Variants in ADCK1 observed in about 807,000 individuals in gnomAD.
ADCK1 encodes aarF domain-containing protein kinase 1.
Under a neutral mutation model 52.3 loss-of-function variants are expected in ADCK1, and 41 were observed. The observed-to-expected ratio is 0.78, with a 90% confidence interval of 0.61 to 1.02. The LOEUF is 1.02. Ranked by LOEUF, ADCK1 falls within the 50% of genes least tolerant of loss-of-function variation. The probability of loss-of-function intolerance (pLI) is 0.00; values close to 1 mark genes in which losing one functional copy is unlikely to be tolerated. For missense variants in ADCK1, 658 were observed against 679.5 expected, an observed-to-expected ratio of 0.97 and a Z score of 0.35; for synonymous variants, 250 against 274.6, an observed-to-expected ratio of 0.91 and a Z score of 0.89.
chr14:77,811,181 A>C (rs1361792536), intron 1 of ADCK1, among the ~76,000 whole-genome samples: 1 of 151,906 alleles, frequency 6.6e-6, no homozygotes, highest in Non-Finnish European at 1.5e-5. Context: ...GCAGGGGAGC[A>C]TTTGTTAAAG....
chr14:77,863,704 G>C (rs2082601738), intron 4 of ADCK1, among the ~76,000 whole-genome samples: 1 of 152,124 alleles, frequency 6.6e-6, no homozygotes, highest in Non-Finnish European at 1.5e-5. Flanking sequence ...GGGTGTGGTG[G>C]TGGGCGCTTG....
In ADCK1 at chr14:77,800,168, G is replaced by C. The variant is rs1214873345; in HGVS notation, c.-14G>C. The C allele has an allele frequency of 6.6e-6, 1 of 152,312 alleles. No homozygotes were observed. The highest frequency in any genetic ancestry group is 1.5e-5 in the Non-Finnish European group (1 of 68,102). The allele number at this position is 152,312 out of a possible 1,614,324, so 9.4% of individuals were successfully genotyped here. The stretch of plus-strand genomic sequence containing the variant: ...CGGGCGCCGCGGCTCTGCTTCCCTC[G>C]GGGTGAGTAGGGGCAGCTCGCCGGA... On this transcript the variant is annotated splice_region_variant and 5_prime_UTR_variant, in exon 1 of 11. Coordinates refer to ENST00000238561, the MANE Select transcript of ADCK1 (RefSeq NM_020421.4).
intron 6 of ADCK1, chr14:77,902,458 G>T (rs550718812): frequency 6.6e-6 from 1 of 152,356 alleles, no homozygotes; most frequent in African/African-American, 2.4e-5. Context: ...CACCAGTTCA[G>T]TGAAAACTTG....
intron 7 of ADCK1, chr14:77,914,610 CAAAGTTA>C: frequency 3.4e-5 from 33 of 984,488 alleles, no homozygotes; most frequent in Non-Finnish European, 4.0e-5. Flanking sequence ...CAGAGGGTTT[CAAAGTTA>C]GGGCCCCTGA....
chr14:77,826,300 AG>A (rs1461336778), intron 3 of ADCK1, among the ~76,000 whole-genome samples: 1 of 152,210 alleles, frequency 6.6e-6, no homozygotes, highest in Non-Finnish European at 1.5e-5. Flanking sequence ...GAATGAGTGA[AG>A]GGTAAAACAT....
intron 4 of ADCK1, among the ~76,000 whole-genome samples, chr14:77,866,330 A>T (rs1259243088): frequency 2.0e-5 from 3 of 152,210 alleles, no homozygotes; most frequent in African/African-American, 7.2e-5. Flanking sequence ...AAATGTTGTT[A>T]TGCGGCACAT....
At chr14:77,839,564 G>A (rs899211199) in intron 3 of ADCK1, among the ~76,000 whole-genome samples, 6 of 152,104 alleles carry the variant, frequency 3.9e-5, no homozygotes, top group African/African-American at 1.4e-4. Flanking sequence ...CCACCTGCAG[G>A]GTGGAGAGCA....
At chr14:77,861,436 C>T (rs2082545470) in intron 4 of ADCK1, among the ~76,000 whole-genome samples, 1 of 151,860 alleles carries the variant, frequency 6.6e-6, no homozygotes, top group Non-Finnish European at 1.5e-5. Context: ...GGTAATGTCA[C>T]TCACTTGGCA....
intron 5 of ADCK1, among the ~76,000 whole-genome samples, chr14:77,887,549 T>C (rs1341766578): frequency 6.6e-6 from 1 of 152,134 alleles, no homozygotes; most frequent in Non-Finnish European, 1.5e-5. Flanking sequence ...AGGGATGTTG[T>C]AGAAATGAGC....
At chr14:77,842,459 C>T (rs1203998476) in intron 3 of ADCK1, among the ~76,000 whole-genome samples, 1 of 46,656 alleles carries the variant, frequency 2.1e-5, no homozygotes, top group Admixed American at 3.7e-4. Context: ...TTCCTTCCTT[C>T]CTTCCTTCCT....
At chr14:77,878,730 T>A (rs1242360430) in intron 4 of ADCK1, among the ~76,000 whole-genome samples, 1 of 152,190 alleles carries the variant, frequency 6.6e-6, no homozygotes, top group Non-Finnish European at 1.5e-5. Flanking sequence ...ACCCTAGAGA[T>A]CTCTGTTACA....
At chr14:77,900,248 G>A (rs1399630642) in intron 6 of ADCK1, among the ~76,000 whole-genome samples, 1 of 152,092 alleles carries the variant, frequency 6.6e-6, no homozygotes, top group Non-Finnish European at 1.5e-5. Context: ...GCATCAGAAG[G>A]GTTGCTGCTT....
intron 5 of ADCK1, among the ~76,000 whole-genome samples, chr14:77,889,897 A>AC (rs1369005172): frequency 6.6e-6 from 1 of 151,674 alleles, no homozygotes; most frequent in Non-Finnish European, 1.5e-5. Context: ...AAAAAAAAAA[A>AC]AAAAAAACAG....
intron 4 of ADCK1, among the ~76,000 whole-genome samples, chr14:77,882,847 T>C (rs2083059004): frequency 6.6e-6 from 1 of 152,130 alleles, no homozygotes; most frequent in Non-Finnish European, 1.5e-5. Flanking sequence ...GACTTGGGTA[T>C]GATGTCACTT....
chr14:77,933,644 G>T lies in ADCK1; in HGVS notation c.*253G>T, dbSNP rs114384613. The T allele has an allele frequency of 2.9e-3, 1,389 of 474,512 alleles. 19 individuals are homozygous for T. The highest frequency in any genetic ancestry group is 0.025 in the African/African-American group (1,292 of 52,308). The allele number at this position is 474,512 out of a possible 1,614,324, so 29.4% of individuals were successfully genotyped here. A position where few individuals can be genotyped will look rare whatever the true frequency, so the allele number is the denominator to read the frequency against. On this transcript the variant is annotated 3_prime_UTR_variant, in exon 11 of 11. Transcript: ENST00000238561. The stretch of plus-strand genomic sequence containing the variant: ...CTCAGCAGCCTACATTCCCATTCCT[G>T]GTATGTGCCATTGGGTTGGATGTCC...
intron 4 of ADCK1, among the ~76,000 whole-genome samples, chr14:77,882,962 C>A (rs928158295): frequency 7.3e-5 from 10 of 137,234 alleles, no homozygotes; most frequent in East Asian, 2.5e-4. Context: ...CACCACCCCC[C>A]CCCCCGTGCT....
chr14:77,882,588 C>T (rs2083051945), intron 4 of ADCK1, among the ~76,000 whole-genome samples: 1 of 152,230 alleles, frequency 6.6e-6, no homozygotes, highest in Admixed American at 6.5e-5. Flanking sequence ...GATTGAGGAG[C>T]CCCTTCCCTG....
chr14:77,820,776 T>C (rs71413478), intron 2 of ADCK1, among the ~76,000 whole-genome samples: 17 of 151,990 alleles, frequency 1.1e-4, no homozygotes, highest in African/African-American at 4.1e-4. Context: ...ATTATTTTTT[T>C]GAGACAGAAT....
intron 3 of ADCK1, among the ~76,000 whole-genome samples, chr14:77,850,831 A>G (rs1008665896): frequency 6.8e-6 from 1 of 147,834 alleles, no homozygotes; most frequent in Non-Finnish European, 1.5e-5. Context: ...TTTTTTTTGT[A>G]TTTTTAGTAG....
Sources: gnomAD v4.1 joint callset for allele counts (sites outside exome capture counted in the v4.1 genomes callset) on GRCh38, gnomAD v4.1.1 for gene constraint, MANE v1.5 for transcripts, NCBI Gene and HGNC (gene_info 2026-07-23, HGNC 2026-07-21) for gene names.